The following MGAT4C variants were observed in gnomAD, a reference collection of about 807,000 sequenced individuals.
MGAT4C encodes the protein alpha-1,3-mannosyl-glycoprotein 4-beta-N-acetylglucosaminyltransferase C.
Under a neutral mutation model 40.1 loss-of-function variants are expected in MGAT4C, and 19 were observed. The ratio of observed to expected loss-of-function variants is 0.47; its 90% CI spans 0.33 to 0.70. The LOEUF (loss-of-function observed/expected upper bound fraction) is 0.70, where lower values mean the gene tolerates loss of function less well. MGAT4C is among the 30% of genes least tolerant of loss of function. MGAT4C has a pLI of 0.02. For synonymous variants in MGAT4C, 181 were observed against 187.1 expected, an observed-to-expected ratio of 0.97 and a Z score of 0.27; for missense variants, 491 against 563.2, an observed-to-expected ratio of 0.87 and a Z score of 1.30.
At chr12:86,046,389 C>A (rs1370445840) in intron 2 of MGAT4C, among the ~76,000 whole-genome samples, 1 of 152,192 alleles carries the variant, frequency 6.6e-6, no homozygotes, top group Admixed American at 6.5e-5. Context: ...CCTTCCCTGA[C>A]TGCCATGGGA....
intron 2 of MGAT4C, among the ~76,000 whole-genome samples, chr12:86,009,629 T>C (rs930337618): frequency 1.3e-5 from 2 of 152,192 alleles, no homozygotes; most frequent in African/African-American, 4.8e-5. Flanking sequence ...CTGCCTCTTT[T>C]ATAATGTCTA....
intron 2 of MGAT4C, among the ~76,000 whole-genome samples, chr12:86,485,914 G>A (rs1034919914): frequency 1.3e-5 from 2 of 152,104 alleles, no homozygotes; most frequent in African/African-American, 4.8e-5. Context: ...AGACATCGGG[G>A]CCTATTTTTA....
chr12:86,206,973 G>C (rs1472987254), intron 1 of MGAT4C, among the ~76,000 whole-genome samples: 5 of 152,074 alleles, frequency 3.3e-5, no homozygotes, highest in Admixed American at 3.3e-4. Context: ...TGAATGTAAA[G>C]AGAATTACAA....
intron 2 of MGAT4C, among the ~76,000 whole-genome samples, chr12:86,442,266 T>G (rs1957245118): frequency 6.6e-6 from 1 of 152,202 alleles, no homozygotes; most frequent in South Asian, 2.1e-4. Flanking sequence ...ATGGGTAGAT[T>G]GCAACATTTT....
chr12:86,513,291 C>A (rs1958624551), intron 2 of MGAT4C, among the ~76,000 whole-genome samples: 1 of 152,084 alleles, frequency 6.6e-6, no homozygotes. Flanking sequence ...ACTATCCATT[C>A]AATACCACAT....
At chr12:86,109,166 C>A (rs1020700113) in intron 1 of MGAT4C, among the ~76,000 whole-genome samples, 3 of 152,018 alleles carry the variant, frequency 2.0e-5, no homozygotes, top group African/African-American at 7.2e-5. Context: ...AAATATCCTT[C>A]AAAAAATTTG....
At chr12:86,338,264 C>T (rs919981192) in intron 3 of MGAT4C, among the ~76,000 whole-genome samples, 9 of 152,062 alleles carry the variant, frequency 5.9e-5, no homozygotes, top group African/African-American at 1.7e-4. Flanking sequence ...TGTCTCTTCC[C>T]GCTGAGTCAG....
rs143002481 is a variant in MGAT4C, at chr12:86,160,665, C to T, written c.-57+95574G>A. Among the ~76,000 whole-genome samples the T allele has an allele frequency of 5.2e-3, 796 of 152,070 alleles. 7 individuals are homozygous for T. Among genetic ancestry groups the T allele is most frequent in the African/African-American group, 0.018 (758 of 41,518 alleles). ...GTCTCAATGATCTATTTAACACTGTCAGTGGAGTGCTAAAGTCTCCTACAA... is the reference window on the plus strand; with the variant it reads ...GTCTCAATGATCTATTTAACACTGTTAGTGGAGTGCTAAAGTCTCCTACAA... On this transcript the variant is annotated intron_variant, in intron 1 of 4. Coordinates refer to ENST00000611864, the MANE Select transcript of MGAT4C (RefSeq NM_001351288.2).
At position 86,191,093 on chromosome 12, in the gene MGAT4C, A is replaced by G. The variant is rs1476163170; in HGVS notation, c.-57+65146T>C. On this transcript the variant is annotated intron_variant, in intron 1 of 4. Coordinates refer to ENST00000611864, the MANE Select transcript of MGAT4C (RefSeq NM_001351288.2). ...TCACTCTCTCTCTCTGCACACACAC[A>G]CACACACACACACACACACACACAC... 6.5e-5 allele frequency among the ~76,000 whole-genome samples: 6 copies of G among 91,610 alleles called. No individual in the cohort carries two copies. In the East Asian group the frequency reaches 9.8e-4, roughly 15 times the overall value. The allele number at this position is 91,610 out of a possible 152,430, so 60.1% of individuals were successfully genotyped here. A position where few individuals can be genotyped will look rare whatever the true frequency, so the allele number is the denominator to read the frequency against.
At chr12:86,084,092 A>G (rs1415762620) in intron 1 of MGAT4C, among the ~76,000 whole-genome samples, 1 of 152,090 alleles carries the variant, frequency 6.6e-6, no homozygotes, top group Non-Finnish European at 1.5e-5. Context: ...CTATTTGTAA[A>G]ATATTGTCCT....
At chr12:86,305,604 A>G (rs150097069) in intron 4 of MGAT4C, among the ~76,000 whole-genome samples, 3,853 of 150,416 alleles carry the variant, frequency 0.026, 131 homozygotes, top group South Asian at 0.07. Flanking sequence ...TCCATGTGAT[A>G]TTGGTTCAAA....
At chr12:86,176,066 C>T (rs948136946) in intron 1 of MGAT4C, among the ~76,000 whole-genome samples, 1 of 152,170 alleles carries the variant, frequency 6.6e-6, no homozygotes, top group Admixed American at 6.5e-5. Flanking sequence ...GCAATTCTAG[C>T]AAGTTTCCTA....
At chr12:86,301,532 T>G (rs1400867606) in intron 4 of MGAT4C, among the ~76,000 whole-genome samples, 2 of 152,204 alleles carry the variant, frequency 1.3e-5, no homozygotes, top group African/African-American at 4.8e-5. Flanking sequence ...TTTACATTTG[T>G]GTTCTTCTCA....
chr12:86,280,432 T>G (rs1046918631), intron 4 of MGAT4C, among the ~76,000 whole-genome samples: 2 of 152,092 alleles, frequency 1.3e-5, no homozygotes, highest in African/African-American at 2.4e-5. Flanking sequence ...AAAAGGTAAC[T>G]ATTTGAAAAA....
intron 1 of MGAT4C, among the ~76,000 whole-genome samples, chr12:86,823,574 C>T (rs1952744223): frequency 2.0e-5 from 3 of 150,710 alleles, no homozygotes; most frequent in Admixed American, 1.3e-4. Flanking sequence ...TGGCAAAGCT[C>T]AGGGAAAGAG....
chr12:86,511,618 CT>C (rs1396752186), intron 2 of MGAT4C, among the ~76,000 whole-genome samples: 2 of 152,012 alleles, frequency 1.3e-5, no homozygotes, highest in South Asian at 2.1e-4. Flanking sequence ...GTCAACTGAT[CT>C]TTGATCGGGG....
intron 2 of MGAT4C, among the ~76,000 whole-genome samples, chr12:86,704,946 C>CCCA (rs1424969441): frequency 6.6e-6 from 1 of 152,026 alleles, no homozygotes; most frequent in Non-Finnish European, 1.5e-5. Context: ...ATATTTTTCT[C>CCCA]CCACCTTTTC....
At chr12:86,458,668 T>C (rs1406347228) in intron 2 of MGAT4C, among the ~76,000 whole-genome samples, 2 of 152,204 alleles carry the variant, frequency 1.3e-5, no homozygotes, top group African/African-American at 2.4e-5. Flanking sequence ...CCTATGCACA[T>C]GGAATGAATA....
chr12:86,298,485 C>G (rs976265956), intron 4 of MGAT4C, among the ~76,000 whole-genome samples: 6 of 152,048 alleles, frequency 3.9e-5, no homozygotes, highest in African/African-American at 1.2e-4. Context: ...CCTAGGAATT[C>G]TATTTCTAGA....
Sources: allele counts gnomAD v4.1 joint callset (sites outside exome capture counted in the v4.1 genomes callset), GRCh38; gene constraint gnomAD v4.1.1; transcripts MANE v1.5; gene names NCBI Gene and HGNC (gene_info 2026-07-23, HGNC 2026-07-21).